NEK1: variants seen among roughly 807,000 people sequenced by gnomAD.
NEK1 encodes the protein serine/threonine-protein kinase Nek1.
Under a neutral mutation model 182.1 loss-of-function variants are expected in NEK1, and 137 were observed. The ratio of observed to expected loss-of-function variants is 0.75; its 90% confidence interval spans 0.65 to 0.87. NEK1 has a LOEUF of 0.87. Ranked by LOEUF, NEK1 falls within the 40% of genes least tolerant of loss-of-function variation. NEK1 has a pLI of 0.00. For synonymous variants in NEK1, 513 were observed against 492.2 expected (o/e 1.04, Z -0.56); for missense variants, 1,391 against 1,494.4 (o/e 0.93, Z 1.14).
intron 11 of NEK1, among the ~76,000 whole-genome samples, chr4:169,578,609 T>C (rs1031041433): frequency 6.6e-6 from 1 of 152,172 alleles, no homozygotes; most frequent in Non-Finnish European, 1.5e-5. Context: ...CATTCTCAAT[T>C]TGTAGTTATG....
chr4:169,585,026 AT>A (rs1050255392), intron 10 of NEK1, among the ~76,000 whole-genome samples: 3 of 151,850 alleles, frequency 2.0e-5, no homozygotes, highest in South Asian at 4.2e-4. Flanking sequence ...TCTAAAAAAA[AT>A]TTTTTTTTAA....
In NEK1 at chr4:169,601,990, T is replaced by A. The variant is rs752101853; in HGVS notation, c.214+18A>T. 6.4e-7 allele frequency: 1 copy of A among 1,550,960 alleles called. No individual in the cohort carries two copies. The highest frequency in any genetic ancestry group is 2.2e-5 in the East Asian group (1 of 44,528). On this transcript the variant is annotated intron_variant, in intron 4 of 35. Coordinates refer to ENST00000507142, the MANE Select transcript of NEK1 (RefSeq NM_001199397.3). ...AATGTCTTAGGATTTTTTAACTCTC[T>A]CGCATAATTTATCTGACCTTCAAAT...
At chr4:169,412,911 GAAGA>G (rs952168502) in intron 31 of NEK1, among the ~76,000 whole-genome samples, 7 of 151,722 alleles carry the variant, frequency 4.6e-5, no homozygotes, top group Admixed American at 4.6e-4. Flanking sequence ...GAAGAGAGAG[GAAGA>G]AAGAGAGGGA....
At chr4:169,500,184 T>C (rs1441703837) in intron 23 of NEK1, among the ~76,000 whole-genome samples, 1 of 152,144 alleles carries the variant, frequency 6.6e-6, no homozygotes, top group African/African-American at 2.4e-5. Flanking sequence ...TCCGTGGGCA[T>C]AGGACCCTCT....
intron 22 of NEK1, 144 bp from the exon 23 acceptor site, chr4:169,507,276 C>T (rs1753467875): frequency 1.9e-6 from 1 of 524,560 alleles, no homozygotes; most frequent in African/African-American, 2.0e-5. Context: ...AAAATGTAAG[C>T]TCACTCTAAA....
At chr4:169,576,202 T>G (rs1765666763) in intron 12 of NEK1, among the ~76,000 whole-genome samples, 1 of 152,094 alleles carries the variant, frequency 6.6e-6, no homozygotes, top group Non-Finnish European at 1.5e-5. Flanking sequence ...TGACCCCAAG[T>G]GACCCACCCG....
At chr4:169,437,555 T>A (rs2149423535) in intron 28 of NEK1, among the ~76,000 whole-genome samples, 1 of 152,308 alleles carries the variant, frequency 6.6e-6, no homozygotes, top group Non-Finnish European at 1.5e-5. Context: ...GAAGTGATAC[T>A]GTGCTAGTTC....
chr4:169,587,457 G>T, intron 9 of NEK1, 102 bp downstream of exon 9: 1 of 657,026 alleles, frequency 1.5e-6, no homozygotes, highest in Non-Finnish European at 2.5e-6. Flanking sequence ...AGAATTTCTA[G>T]GATGAGGGTT....
chr4:169,565,269 C>G (rs146275190), intron 12 of NEK1, among the ~76,000 whole-genome samples: 7 of 152,272 alleles, frequency 4.6e-5, no homozygotes, highest in African/African-American at 1.7e-4. Flanking sequence ...ATACACACCC[C>G]TAAGTTTCAT....
chr4:169,422,985 A>T (rs1735742162), intron 31 of NEK1, among the ~76,000 whole-genome samples: 1 of 152,206 alleles, frequency 6.6e-6, no homozygotes, highest in South Asian at 2.1e-4. Context: ...ACCTTTCAAA[A>T]GACTGATATT....
intron 29 of NEK1, among the ~76,000 whole-genome samples, chr4:169,433,054 C>T (rs555630152): frequency 6.9e-4 from 105 of 151,348 alleles, no homozygotes; most frequent in South Asian, 3.6e-3. Context: ...TGTGAACCAC[C>T]GTGCCTGGCC....
chr4:169,533,671 C>A (rs767479465), intron 19 of NEK1, among the ~76,000 whole-genome samples: 1 of 152,028 alleles, frequency 6.6e-6, no homozygotes, highest in Non-Finnish European at 1.5e-5. Flanking sequence ...TAGACAAAAC[C>A]AAAGAATATA....
At chr4:169,596,038 CACTTTCTAGCA>C (rs1769432182) in intron 5 of NEK1, among the ~76,000 whole-genome samples, 1 of 151,798 alleles carries the variant, frequency 6.6e-6, no homozygotes, top group African/African-American at 2.4e-5. Context: ...ATGGTAAAGT[CACTTTCTAGCA>C]ACCAGGGACC....
chr4:169,547,286 T>C (rs188748210), intron 18 of NEK1, among the ~76,000 whole-genome samples: 27 of 152,344 alleles, frequency 1.8e-4, no homozygotes, highest in African/African-American at 6.5e-4. Context: ...TCTTGAAGAA[T>C]GTTGAATATT....
chr4:169,435,733 G>A (rs544683614), intron 28 of NEK1, among the ~76,000 whole-genome samples: 14 of 152,172 alleles, frequency 9.2e-5, no homozygotes, highest in Admixed American at 3.9e-4. Context: ...AAATGAAGGA[G>A]AGGGACCCGA....
At position 169,400,183 on chromosome 4, in the gene NEK1, C is replaced by T. The variant is rs1731415258; in HGVS notation, c.3847+42G>A. On this transcript the variant is annotated intron_variant, in intron 35 of 35. Transcript: ENST00000507142. ...TATACATGTATCATCTTGTTTTTCTCACATTTACTGAAAATTATACAGACA... is the reference window on the plus strand; with the variant it reads ...TATACATGTATCATCTTGTTTTTCTTACATTTACTGAAAATTATACAGACA... The T allele has an allele frequency of 3.2e-6, 5 of 1,546,210 alleles. No homozygotes were observed. The East Asian group carries it at 1.2e-4, about 36-fold the overall frequency.
At chr4:169,474,540 T>C (rs1014772889) in intron 26 of NEK1, among the ~76,000 whole-genome samples, 2 of 152,196 alleles carry the variant, frequency 1.3e-5, no homozygotes, top group Non-Finnish European at 1.5e-5. Context: ...TATTTCTGTC[T>C]CTAGCACTCT....
At chr4:169,447,706 A>G (rs1740832184) in intron 27 of NEK1, among the ~76,000 whole-genome samples, 1 of 151,986 alleles carries the variant, frequency 6.6e-6, no homozygotes, top group African/African-American at 2.4e-5. Flanking sequence ...ATCTCTATTA[A>G]AAATACAAAA....
At chr4:169,533,424 G>A (rs986122050) in intron 19 of NEK1, among the ~76,000 whole-genome samples, 1 of 152,170 alleles carries the variant, frequency 6.6e-6, no homozygotes, top group Non-Finnish European at 1.5e-5. Context: ...TAGCAAAGGT[G>A]CAGAACATTT....
Sources: allele counts gnomAD v4.1 joint callset (sites outside exome capture counted in the v4.1 genomes callset), GRCh38; gene constraint gnomAD v4.1.1; transcripts MANE v1.5; gene names NCBI Gene and HGNC (gene_info 2026-07-23, HGNC 2026-07-21).